Variants in PRKCZ observed in about 807,000 individuals in gnomAD.
PRKCZ encodes the protein protein kinase C zeta type.
Under a neutral mutation model 79.5 loss-of-function variants are expected in PRKCZ, and 33 were observed. That is an observed-to-expected ratio of 0.41 (90% CI 0.31 to 0.55). The LOEUF is 0.55. Among genes scored for constraint, PRKCZ ranks in the 20% least tolerant of loss-of-function variants. PRKCZ has a pLI of 0.19. For missense variants in PRKCZ, 578 were observed against 813.5 expected, an observed-to-expected ratio of 0.71 and a Z score of 3.52; for synonymous variants, 342 against 320.9, an observed-to-expected ratio of 1.07 and a Z score of -0.70.
intron 4 of PRKCZ, among the ~76,000 whole-genome samples, chr1:2,110,304 A>G (rs529732875): frequency 6.6e-6 from 1 of 152,336 alleles, no homozygotes; most frequent in African/African-American, 2.4e-5. Context: ...CCAGGGCTGA[A>G]TCTGCCTCCA....
chr1:2,119,523 C>T (rs530227809), intron 4 of PRKCZ, among the ~76,000 whole-genome samples: 1 of 152,096 alleles, frequency 6.6e-6, no homozygotes, highest in Non-Finnish European at 1.5e-5. Context: ...CCTAATTATT[C>T]TTCTTTCCTT....
At position 2,106,663 on chromosome 1, in the gene PRKCZ, T is replaced by C. The variant is rs12723086; in HGVS notation, c.335-28599T>C. Among the ~76,000 whole-genome samples the C allele has an allele frequency of 4.5e-3, 224 of 49,868 alleles. 5 individuals are homozygous for C. Among genetic ancestry groups the C allele is most frequent in the Middle Eastern group, 0.013 (1 of 76 alleles). The allele number at this position is 49,868 out of a possible 152,430, so 32.7% of individuals were successfully genotyped here. Reference sequence around the variant, plus strand: ...CCTCTGGTGGGCGAGGACCTCCACGTGTGTCACCAGGCCAGGTAACTCTCA... The same window carrying C: ...CCTCTGGTGGGCGAGGACCTCCACGCGTGTCACCAGGCCAGGTAACTCTCA... On this transcript the variant is annotated intron_variant, in intron 4 of 17. Transcript: ENST00000378567.
rs1167779402 is a variant in PRKCZ at position 2,143,808 on chromosome 1, G to A, written c.421-402G>A. 4.9e-5 allele frequency: 8 copies of A among 162,298 alleles called. No homozygotes were observed. The South Asian group carries it at 5.6e-4, about 11-fold the overall frequency. The allele number at this position is 162,298 out of a possible 1,614,324, so 10.1% of individuals were successfully genotyped here. A position where few individuals can be genotyped will look rare whatever the true frequency, so the allele number is the denominator to read the frequency against. On this transcript the variant is annotated intron_variant, in intron 5 of 17. Coordinates refer to ENST00000378567, the MANE Select transcript of PRKCZ (RefSeq NM_002744.6). ...TCTGTTTGAATGAAGGTCAGGCAGG[G>A]GGTACCCCCACACACTCTGCTTAGC...
At chr1:2,089,621 C>T (rs1252263848) in intron 4 of PRKCZ, among the ~76,000 whole-genome samples, 1 of 152,176 alleles carries the variant, frequency 6.6e-6, no homozygotes, top group East Asian at 1.9e-4. Context: ...CTATTAATCC[C>T]ATTCCGGAAG....
intron 4 of PRKCZ, among the ~76,000 whole-genome samples, chr1:2,088,166 C>G (rs1427035474): frequency 1.3e-5 from 2 of 152,192 alleles, no homozygotes; most frequent in African/African-American, 4.8e-5. Flanking sequence ...GCAGTGTCCT[C>G]ACCTACCTGG....
chr1:2,173,099 C>T lies in PRKCZ; in HGVS notation c.1285+711C>T, dbSNP rs571730635. On this transcript the variant is annotated intron_variant, in intron 13 of 17. Transcript: ENST00000378567. The surrounding 1 kb of genome is among the most constrained non-coding windows in gnomAD (Gnocchi z 5.7). ...GCATACTGTGTTTGTACACACTCCA[C>T]CCACTTCTGCATCCTGGTGTTTTCA... Among the ~76,000 whole-genome samples, 1 of 102,230 alleles carries T rather than the reference C, an allele frequency of 9.8e-6. No individual in the cohort carries two copies. The highest frequency in any genetic ancestry group is 9.8e-5 in the Admixed American group (1 of 10,156). The allele number at this position is 102,230 out of a possible 152,430, so 67.1% of individuals were successfully genotyped here. A position where few individuals can be genotyped will look rare whatever the true frequency, so the allele number is the denominator to read the frequency against.
In PRKCZ at chr1:2,173,428, G is replaced by A. The variant is rs1028564781; in HGVS notation, c.1286-469G>A. On this transcript the variant is annotated intron_variant, in intron 13 of 17. Transcript: ENST00000378567. The surrounding 1 kb of genome is among the most constrained non-coding windows in gnomAD (Gnocchi z 5.7). Reference sequence around the variant, plus strand: ...TGCTGTCCTTGGGCAAAACGGGTCAGGGTCTCCCACCCCTCATTCGCTGGA... The same window carrying A: ...TGCTGTCCTTGGGCAAAACGGGTCAAGGTCTCCCACCCCTCATTCGCTGGA... Among the ~76,000 whole-genome samples the A allele has an allele frequency of 6.6e-6, 1 of 152,334 alleles. No individual in the cohort carries two copies. The highest frequency in any genetic ancestry group is 1.5e-5 in the Non-Finnish European group (1 of 68,034).
intron 10 of PRKCZ, among the ~76,000 whole-genome samples, chr1:2,160,113 C>A (rs1398140373): frequency 6.6e-6 from 1 of 152,192 alleles, no homozygotes; most frequent in African/African-American, 2.4e-5. Context: ...TTAAAAAGAA[C>A]AAACACACAC....
At chr1:2,076,603 G>A (rs577554234) in intron 4 of PRKCZ, among the ~76,000 whole-genome samples, 3 of 152,082 alleles carry the variant, frequency 2.0e-5, no homozygotes, top group South Asian at 2.1e-4. Context: ...TTAGCTGGGC[G>A]TGGTGGTGAG....
chr1:2,169,468 G>A (rs1571970356), intron 10 of PRKCZ, 50 bp from the exon 11 acceptor site: 1 of 1,500,328 alleles, frequency 6.7e-7, no homozygotes, highest in Non-Finnish European at 9.1e-7. Context: ...GTCTAAGGAG[G>A]CCGCCGTCTG....
chr1:2,100,070 T>TC (rs1478685592), intron 4 of PRKCZ, among the ~76,000 whole-genome samples: 1 of 152,108 alleles, frequency 6.6e-6, no homozygotes, highest in East Asian at 1.9e-4. Context: ...TGCCAGCCAT[T>TC]CCCCAGGTCT....
Position 2,184,861 on chromosome 1 carries a change from G to A in PRKCZ, c.1692-61G>A, listed in dbSNP as rs769322403. 56 of 1,485,312 alleles carry A rather than the reference G, an allele frequency of 3.8e-5. 1 individual carries two copies. The highest frequency in any genetic ancestry group is 1.5e-4 in the African/African-American group (11 of 72,318). The allele number at this position is 1,485,312 out of a possible 1,614,324, so 92.0% of individuals were successfully genotyped here. On this transcript the variant is annotated intron_variant, in intron 17 of 17. Transcript: ENST00000378567. ...AGGATTCTTATGCGAACGTGACTCC[G>A]CTTCCCCCAAGGGAATGAACACACG...
intron 4 of PRKCZ, among the ~76,000 whole-genome samples, chr1:2,061,164 G>A (rs1660639453): frequency 1.3e-5 from 2 of 152,316 alleles, no homozygotes; most frequent in Admixed American, 1.3e-4. Context: ...TCTGTCCCAT[G>A]TGTGCTGAGA....
At chr1:2,161,260 C>T (rs1037709291) in intron 10 of PRKCZ, among the ~76,000 whole-genome samples, 6 of 152,240 alleles carry the variant, frequency 3.9e-5, no homozygotes, top group Admixed American at 2.0e-4. Flanking sequence ...GTAAAAGTGC[C>T]ACCCTAAACC....
At position 2,050,447 on chromosome 1, in the gene PRKCZ, C is replaced by G. The variant is rs192386882; in HGVS notation, c.-184C>G. 0.086 allele frequency: 18,034 copies of G among 209,328 alleles called. 1,079 individuals carry two copies. Among genetic ancestry groups the G allele is most frequent in the Admixed American group, 0.15 (2,446 of 16,794 alleles). The allele number at this position is 209,328 out of a possible 1,614,324, so 13.0% of individuals were successfully genotyped here. The stretch of plus-strand genomic sequence containing the variant: ...GCCCCCCGCCCCCGCCGGACGGTCC[C>G]GCCCCGCGCGCCCCCCGCTCCCGCC... On this transcript the variant is annotated 5_prime_UTR_variant, in exon 1 of 18. Coordinates refer to ENST00000378567, the MANE Select transcript of PRKCZ (RefSeq NM_002744.6).
At position 2,177,558 on chromosome 1, in the gene PRKCZ, G is replaced by T. The variant is rs1387515954; in HGVS notation, c.1575+2245G>T. Among the ~76,000 whole-genome samples, 1 of 152,174 alleles carries T rather than the reference G, an allele frequency of 6.6e-6. No individual in the cohort carries two copies. The highest frequency in any genetic ancestry group is 1.5e-5 in the Non-Finnish European group (1 of 68,030). ...GAGTGACGGGCTCCTTCTCTTCGGA[G>T]CACTGTCTAATCTGAGTGTGAGTCC... On this transcript the variant is annotated intron_variant, in intron 16 of 17. Transcript: ENST00000378567. The surrounding 1 kb of genome is among the most constrained non-coding windows in gnomAD (Gnocchi z 6.4).
Position 2,109,034 on chromosome 1 carries a change from C to T in PRKCZ, c.335-26228C>T, listed in dbSNP as rs185670129. Among the ~76,000 whole-genome samples the T allele has an allele frequency of 3.6e-3, 548 of 152,276 alleles. 3 individuals carry two copies. Among genetic ancestry groups the T allele is most frequent in the African/African-American group, 0.013 (527 of 41,556 alleles). On this transcript the variant is annotated intron_variant, in intron 4 of 17. Coordinates refer to ENST00000378567, the MANE Select transcript of PRKCZ (RefSeq NM_002744.6). Reference sequence around the variant, plus strand: ...CTCACGTCACCGCCTCTGATACAGCCGCCCCCCCATCCCTCTTGTGAGGAC... The same window carrying T: ...CTCACGTCACCGCCTCTGATACAGCTGCCCCCCCATCCCTCTTGTGAGGAC...
intron 11 of PRKCZ, among the ~76,000 whole-genome samples, chr1:2,169,820 A>C (rs986862188): frequency 5.1e-5 from 2 of 39,292 alleles, no homozygotes; most frequent in East Asian, 6.0e-4. Context: ...GTGCACGTGG[A>C]GGGGGCCGGG....
chr1:2,076,333 G>A (rs910031631), intron 4 of PRKCZ, among the ~76,000 whole-genome samples: 1 of 152,164 alleles, frequency 6.6e-6, no homozygotes, highest in South Asian at 2.1e-4. Context: ...TGCTCCCACC[G>A]TCCCTCACAG....
Sources: gnomAD v4.1 joint callset for allele counts (sites outside exome capture counted in the v4.1 genomes callset) on GRCh38, gnomAD v4.1.1 for gene constraint, Gnocchi (gnomAD v3.1) non-coding constraint, MANE v1.5 for transcripts, NCBI Gene and HGNC (gene_info 2026-07-23, HGNC 2026-07-21) for gene names.